The following NCOA1 variants were observed in gnomAD, a reference collection of about 807,000 sequenced individuals.
NCOA1 encodes the protein nuclear receptor coactivator 1.
A neutral mutation model predicts 150.9 loss-of-function variants in NCOA1; 35 were observed. The observed-to-expected ratio is 0.23, with a 90% CI of 0.18 to 0.31. The LOEUF (loss-of-function observed/expected upper bound fraction) is 0.31. Among genes scored for constraint, NCOA1 ranks in the 10% least tolerant of loss-of-function variants. The pLI, the probability that NCOA1 is intolerant of heterozygous loss-of-function variation, is 1.00. For synonymous variants in NCOA1, 590 were observed against 630.0 expected (o/e 0.94, Z 0.95); for missense variants, 1,491 against 1,749.3 (o/e 0.85, Z 2.63).
intron 3 of NCOA1, among the ~76,000 whole-genome samples, chr2:24,621,210 C>T (rs943916226): frequency 1.3e-5 from 2 of 151,980 alleles, no homozygotes; most frequent in South Asian, 4.1e-4. Flanking sequence ...TGTGAAATGC[C>T]TTGTCTTGTT....
At chr2:24,558,213 G>T (rs555772139) in intron 1 of NCOA1, among the ~76,000 whole-genome samples, 21 of 152,044 alleles carry the variant, frequency 1.4e-4, no homozygotes, top group Non-Finnish European at 2.4e-4. Context: ...AAGTTCACTT[G>T]TTCTTTCTTC....
chr2:24,617,047 A>G (rs1380831253), intron 3 of NCOA1, among the ~76,000 whole-genome samples: 3 of 152,166 alleles, frequency 2.0e-5, no homozygotes, highest in East Asian at 1.9e-4. Flanking sequence ...CCACCCCTCA[A>G]AAAGAGACTT....
intron 1 of NCOA1, among the ~76,000 whole-genome samples, chr2:24,522,104 G>C (rs897253711): frequency 6.6e-6 from 1 of 152,034 alleles, no homozygotes; most frequent in African/African-American, 2.4e-5. Context: ...AATAGTACCT[G>C]GCTTATAGTA....
At chr2:24,648,793 G>A (rs1670588115) in intron 4 of NCOA1, among the ~76,000 whole-genome samples, 1 of 151,962 alleles carries the variant, frequency 6.6e-6, no homozygotes, top group Admixed American at 6.5e-5. Context: ...TCTTTTATTG[G>A]TGTAGATATA....
At chr2:24,742,242 T>G in intron 19 of NCOA1, 56 bp downstream of exon 19, 3 of 1,521,614 alleles carry the variant, frequency 2.0e-6, no homozygotes, top group Non-Finnish European at 1.8e-6. Context: ...CTTAGGTCTC[T>G]CTCCATCTTT....
At chr2:24,713,020 G>C (rs1673833866) in intron 14 of NCOA1, among the ~76,000 whole-genome samples, 1 of 152,096 alleles carries the variant, frequency 6.6e-6, no homozygotes, top group African/African-American at 2.4e-5. Flanking sequence ...CCTGAGGTCA[G>C]GAGTTCAAGA....
intron 2 of NCOA1, among the ~76,000 whole-genome samples, chr2:24,565,464 A>G (rs1666458003): frequency 6.6e-6 from 1 of 152,246 alleles, no homozygotes; most frequent in South Asian, 2.1e-4. Flanking sequence ...TGTATCACTT[A>G]TTACTAGGAT....
chr2:24,580,251 G>C (rs1311566727), intron 2 of NCOA1, among the ~76,000 whole-genome samples: 1 of 152,034 alleles, frequency 6.6e-6, no homozygotes, highest in African/African-American at 2.4e-5. Context: ...TGGTTCACTC[G>C]GCTTCTTGAA....
chr2:24,588,246 A>G (rs901743559), intron 3 of NCOA1, among the ~76,000 whole-genome samples: 9 of 152,002 alleles, frequency 5.9e-5, no homozygotes, highest in East Asian at 1.9e-4. Flanking sequence ...CACCATACCC[A>G]TTAATTTTTC....
chr2:24,750,311 A>G (rs1558338221), intron 19 of NCOA1, among the ~76,000 whole-genome samples: 1 of 152,240 alleles, frequency 6.6e-6, no homozygotes, highest in East Asian at 1.9e-4. Context: ...TTTAAAAGGA[A>G]GAACAAAGTT....
At chr2:24,587,624 GT>G (rs1392123446) in intron 3 of NCOA1, among the ~76,000 whole-genome samples, 1 of 152,118 alleles carries the variant, frequency 6.6e-6, no homozygotes, top group Non-Finnish European at 1.5e-5. Context: ...TACCAATAAA[GT>G]TAGGAACATT....
intron 1 of NCOA1, among the ~76,000 whole-genome samples, chr2:24,552,040 A>G (rs1443948104): frequency 6.6e-6 from 1 of 151,944 alleles, no homozygotes; most frequent in Non-Finnish European, 1.5e-5. Flanking sequence ...CAATGTCTTA[A>G]TTGCTGTAGC....
intron 1 of NCOA1, among the ~76,000 whole-genome samples, chr2:24,494,384 A>G (rs938427572): frequency 2.6e-5 from 4 of 152,128 alleles, no homozygotes; most frequent in Admixed American, 2.6e-4. Context: ...TGCGTCTCCC[A>G]AGGACTCCAC....
intron 3 of NCOA1, among the ~76,000 whole-genome samples, chr2:24,629,405 T>C (rs1295761323): frequency 6.6e-6 from 1 of 151,958 alleles, no homozygotes; most frequent in Non-Finnish European, 1.5e-5. Flanking sequence ...TCTGCCTTTT[T>C]TCAAAAGGAG....
intron 22 of NCOA1, among the ~76,000 whole-genome samples, chr2:24,766,754 G>T (rs1486017112): frequency 1.3e-5 from 2 of 152,066 alleles, no homozygotes; most frequent in East Asian, 3.9e-4. Flanking sequence ...AGGAAGGCCT[G>T]GTGAAGCTCT....
At chr2:24,673,337 T>A in intron 6 of NCOA1, 29 bp from the exon 7 acceptor site, 1 of 1,416,252 alleles carries the variant, frequency 7.1e-7, no homozygotes, top group Non-Finnish European at 9.5e-7. Context: ...TTTTCAGATA[T>A]GTGATTTTTT....
intron 3 of NCOA1, among the ~76,000 whole-genome samples, chr2:24,613,809 C>T (rs556670879): frequency 5.9e-5 from 9 of 151,302 alleles, no homozygotes; most frequent in South Asian, 4.2e-4. Context: ...CTGCTGATCC[C>T]GGTGAATGGG....
intron 1 of NCOA1, among the ~76,000 whole-genome samples, chr2:24,545,475 A>C (rs1665570311): frequency 6.6e-6 from 1 of 152,158 alleles, no homozygotes; most frequent in Admixed American, 6.5e-5. Context: ...GTCCCCACTT[A>C]TTTATCTTGT....
chr2:24,695,982 C>T (rs1465857564), intron 10 of NCOA1, among the ~76,000 whole-genome samples: 1 of 152,064 alleles, frequency 6.6e-6, no homozygotes, highest in Non-Finnish European at 1.5e-5. Context: ...CAGTGGAATC[C>T]CTGCTATAAC....
Sources: allele counts gnomAD v4.1 joint callset (sites outside exome capture counted in the v4.1 genomes callset), GRCh38; gene constraint gnomAD v4.1.1; transcripts MANE v1.5; gene names NCBI Gene and HGNC (gene_info 2026-07-23, HGNC 2026-07-21).